Variants in PALM observed in about 807,000 individuals in gnomAD.
PALM encodes paralemmin-1.
PALM carries 18 observed loss-of-function variants against 30.7 expected under a neutral mutation model. The ratio of observed to expected loss-of-function variants is 0.59; its 90% CI spans 0.41 to 0.87. The LOEUF is 0.87. PALM is among the 40% of genes least tolerant of loss of function. The probability of loss-of-function intolerance (pLI) is 0.00; values close to 1 mark genes in which losing one functional copy is unlikely to be tolerated. For synonymous variants in PALM, 286 were observed against 242.8 expected (o/e 1.18, Z -1.66); for missense variants, 529 against 555.4 (o/e 0.95, Z 0.48).
chr19:711,832 C>G (rs2032089582), intron 1 of PALM, among the ~76,000 whole-genome samples: 1 of 152,122 alleles, frequency 6.6e-6, no homozygotes, highest in Admixed American at 6.6e-5. Flanking sequence ...GTTGCCCAGG[C>G]CAGTCTCGAA....
rs1261197526 is a variant in PALM, at chr19:742,586, CAA to C, written c.634+2104_634+2105del. Among the ~76,000 whole-genome samples the C allele has an allele frequency of 1.4e-5, 2 of 144,950 alleles. No individual in the cohort carries two copies. Among genetic ancestry groups the C allele is most frequent in the East Asian group, 2.0e-4 (1 of 4,968 alleles). ...CGCCACTGCTCTCCAGCCTGTGCGA[CAA>C]GAGTGAAACTCTGTCTCAAAAAAAA... On this transcript the variant is annotated intron_variant, in intron 8 of 8. Coordinates refer to ENST00000338448, the MANE Select transcript of PALM (RefSeq NM_002579.3). This position sits in a 1 kb window ranked among gnomAD's most constrained non-coding sequence, Gnocchi z 5.5.
Position 746,436 on chromosome 19 carries a change from G to T in PALM, c.786G>T (p.Gly262=), listed in dbSNP as rs367598175. 2.9e-5 allele frequency: 47 copies of T among 1,610,148 alleles called. No individual in the cohort carries two copies. In the African/African-American group the frequency reaches 5.6e-4, roughly 19 times the overall value. Residue 262 remains glycine (G), a synonymous_variant, in exon 9 of 9, where the codon GGG becomes GGT. Transcript: ENST00000338448. This position sits in a 1 kb window ranked among gnomAD's most constrained non-coding sequence, Gnocchi z 7.1. ...CAGAGACCCGGGGGGCTGTGGAGGG[G>T]GCAGCCCGGACCACGCCCTCCCGGC... The part of the protein sequence containing the change: ...GAAETRGAVE[G]AARTTPSRRE...
chr19:717,858 G>A (rs2032317456), intron 1 of PALM, among the ~76,000 whole-genome samples: 2 of 152,138 alleles, frequency 1.3e-5, no homozygotes, highest in African/African-American at 4.8e-5. Context: ...TATGCCTGGT[G>A]CCAGGGACAT....
chr19:715,468 A>G (rs2032227105), intron 1 of PALM, among the ~76,000 whole-genome samples: 1 of 152,184 alleles, frequency 6.6e-6, no homozygotes, highest in South Asian at 2.1e-4. Context: ...AGGCTTCCTC[A>G]TCCAGTCCAT....
intron 1 of PALM, among the ~76,000 whole-genome samples, chr19:717,469 C>T (rs2032304434): frequency 6.6e-6 from 1 of 152,156 alleles, no homozygotes; most frequent in Non-Finnish European, 1.5e-5. Flanking sequence ...GCGCCGTGGC[C>T]TGGGTCAGAG....
Position 746,212 on chromosome 19 carries a change from T to TG in PALM, c.635-72dup. The TG allele has an allele frequency of 8.0e-7, 1 of 1,249,264 alleles. No homozygotes were observed. The highest frequency in any genetic ancestry group is 2.3e-5 in the East Asian group (1 of 42,956). 77.4% of individuals were successfully genotyped at this position (1,249,264 alleles called of 1,614,324 possible). A position where few individuals can be genotyped will look rare whatever the true frequency, so the allele number is the denominator to read the frequency against. On this transcript the variant is annotated intron_variant, in intron 8 of 8. Transcript: ENST00000338448. The surrounding 1 kb of genome is among the most constrained non-coding windows in gnomAD (Gnocchi z 7.1). ...ACAAGCCTTGCCAAGGTTTCCCTCC[T>TG]GCCTGAGCCAGGTCACTCTCTCTGT...
Position 746,535 on chromosome 19 carries a change from G to A in PALM, c.885G>A (p.Glu295=), listed in dbSNP as rs768519896. 6.2e-7 allele frequency: 1 copy of A among 1,613,042 alleles called. No individual in the cohort carries two copies. The highest frequency in any genetic ancestry group is 1.1e-5 in the South Asian group (1 of 91,080). Residue 295 remains glutamate (E), a synonymous_variant, in exon 9 of 9, where the codon GAG becomes GAA. Transcript: ENST00000338448. The surrounding 1 kb of genome is among the most constrained non-coding windows in gnomAD (Gnocchi z 7.1). ...CGCCGGGGATCCAGCCCGGCCAGGA[G>A]CCCCCGGTCACAATGATCTTCATGG... ...SGPPGIQPGQ[E]PPVTMIFMGY... is the part of the protein sequence containing the mutation.
In PALM at chr19:742,605, C is replaced by CA. The variant is rs893995885; in HGVS notation, c.634+2136dup. 7.1e-4 allele frequency among the ~76,000 whole-genome samples: 41 copies of CA among 57,658 alleles called. No homozygotes were observed. Among genetic ancestry groups the CA allele is most frequent in the Admixed American group, 1.9e-3 (12 of 6,154 alleles). 37.8% of individuals were successfully genotyped at this position (57,658 alleles called of 152,430 possible). The stretch of plus-strand genomic sequence containing the variant: ...GTGCGACAAGAGTGAAACTCTGTCT[C>CA]AAAAAAAAAAAAAAGAAAGAAAAGA... On this transcript the variant is annotated intron_variant, in intron 8 of 8. Coordinates refer to ENST00000338448, the MANE Select transcript of PALM (RefSeq NM_002579.3). This position sits in a 1 kb window ranked among gnomAD's most constrained non-coding sequence, Gnocchi z 5.5.
intron 1 of PALM, among the ~76,000 whole-genome samples, chr19:714,668 T>C (rs1486793081): frequency 6.6e-6 from 1 of 151,788 alleles, no homozygotes; most frequent in Non-Finnish European, 1.5e-5. Context: ...TTCTTTTTTT[T>C]AGACTGGGTC....
At chr19:710,415 C>T (rs1038900840) in intron 1 of PALM, among the ~76,000 whole-genome samples, 1 of 152,210 alleles carries the variant, frequency 6.6e-6, no homozygotes. Flanking sequence ...CTCCACACCC[C>T]CACCCCCCAG....
chr19:744,273 G>A lies in PALM; in HGVS notation c.635-2012G>A, dbSNP rs149544894. ...AAATTAGCCAGGTGTGGTGGCAGGCGCCTGTAATCCCAGCTAGTCAGGAGG... is the reference window on the plus strand; with the variant it reads ...AAATTAGCCAGGTGTGGTGGCAGGCACCTGTAATCCCAGCTAGTCAGGAGG... On this transcript the variant is annotated intron_variant, in intron 8 of 8. Transcript: ENST00000338448. 3.6e-3 allele frequency among the ~76,000 whole-genome samples: 544 copies of A among 151,902 alleles called. 4 individuals carry two copies. The highest frequency in any genetic ancestry group is 0.012 in the African/African-American group (509 of 41,422).
chr19:713,661 C>T (rs1005878673), intron 1 of PALM, among the ~76,000 whole-genome samples: 18 of 152,070 alleles, frequency 1.2e-4, no homozygotes, highest in Admixed American at 1.2e-3. Flanking sequence ...TTATAGCAAC[C>T]TCTGCCTCCT....
In PALM at chr19:736,058, G is replaced by A; in HGVS notation, c.482G>A (p.Gly161Asp). ...AACACGCCCCTGAGGACGGTTGACG[G>A]CTCCCCCATGATGAAGGCAGGTGGG... ...VSNTPLRTVD[G>D]SPMMKAAMYS... Residue 161 changes from glycine (G) to aspartate (D), a missense_variant, in exon 7 of 9, where the codon GGC becomes GAC. By Grantham distance (94) the Gly-to-Asp change is moderately conservative. Coordinates refer to ENST00000338448, the MANE Select transcript of PALM (RefSeq NM_002579.3). The A allele has an allele frequency of 6.2e-7, 1 of 1,609,890 alleles. No individual in the cohort carries two copies. The highest frequency in any genetic ancestry group is 1.1e-5 in the South Asian group (1 of 90,352).
intron 1 of PALM, among the ~76,000 whole-genome samples, chr19:710,642 G>A (rs569747921): frequency 8.7e-5 from 13 of 149,470 alleles, no homozygotes; most frequent in African/African-American, 2.4e-4. Context: ...GGCCCAGAGA[G>A]GAGCTGCTGC....
intron 1 of PALM, among the ~76,000 whole-genome samples, chr19:723,339 G>T (rs747444772): frequency 6.6e-6 from 1 of 152,072 alleles, no homozygotes; most frequent in Non-Finnish European, 1.5e-5. Flanking sequence ...TCAGTCTCTG[G>T]GAAGATAAGA....
At chr19:718,705 T>G (rs748210883) in intron 1 of PALM, among the ~76,000 whole-genome samples, 2 of 152,104 alleles carry the variant, frequency 1.3e-5, no homozygotes, top group Non-Finnish European at 2.9e-5. Context: ...GCCTCCGTGC[T>G]GCATCCTGGG....
rs137900074 is a variant in PALM, at chr19:730,369, C to T, written c.270-726C>T. 5.0e-3 allele frequency among the ~76,000 whole-genome samples: 759 copies of T among 152,320 alleles called. 3 individuals carry two copies. Among genetic ancestry groups the T allele is most frequent in the Non-Finnish European group, 7.2e-3 (489 of 68,038 alleles). On this transcript the variant is annotated intron_variant, in intron 4 of 8. Coordinates refer to ENST00000338448, the MANE Select transcript of PALM (RefSeq NM_002579.3). ...GTGAATGTCGCCCGCCCTTGCCAGA[C>T]CCCGGGGCTGGGATTTCATATCCCG...
At chr19:714,548 T>C (rs1006796988) in intron 1 of PALM, among the ~76,000 whole-genome samples, 2 of 146,940 alleles carry the variant, frequency 1.4e-5, no homozygotes, top group East Asian at 2.1e-4. Flanking sequence ...TTAGTAGAGA[T>C]GGGGTTTCAC....
At chr19:727,855 G>T (rs2032739689) in intron 4 of PALM, 161 bp downstream of exon 4, 6 of 687,224 alleles carry the variant, frequency 8.7e-6, no homozygotes, top group Non-Finnish European at 1.4e-5. Flanking sequence ...CGCAGGACGG[G>T]ACAGATCAGG....
Sources: gnomAD v4.1 joint callset for allele counts (sites outside exome capture counted in the v4.1 genomes callset) on GRCh38, gnomAD v4.1.1 for gene constraint, Gnocchi (gnomAD v3.1) non-coding constraint, MANE v1.5 for transcripts, NCBI Gene and HGNC (gene_info 2026-07-23, HGNC 2026-07-21) for gene names.